The following SLIT1 variants were observed in gnomAD, a reference collection of about 807,000 sequenced individuals.
SLIT1 encodes slit homolog 1 protein.
A neutral mutation model predicts 186.1 loss-of-function variants in SLIT1; 66 were observed. That is an observed-to-expected ratio of 0.35 (90% CI 0.29 to 0.44). The LOEUF (loss-of-function observed/expected upper bound fraction) is 0.44. Ranked by LOEUF, SLIT1 falls within the 20% of genes least tolerant of loss-of-function variation. SLIT1 has a pLI of 1.00. For missense variants in SLIT1, 1,638 were observed against 2,037.4 expected (o/e 0.80, Z 3.77); for synonymous variants, 761 against 833.8 (o/e 0.91, Z 1.50).
chr10:97,178,662 G>A (rs961016933), intron 1 of SLIT1, among the ~76,000 whole-genome samples: 1 of 152,122 alleles, frequency 6.6e-6, no homozygotes, highest in Non-Finnish European at 1.5e-5. Context: ...TGATAGCCTT[G>A]TGGTTCTTAG....
chr10:97,118,548 G>T (rs962394225), intron 4 of SLIT1, among the ~76,000 whole-genome samples: 1 of 152,158 alleles, frequency 6.6e-6, no homozygotes, highest in Non-Finnish European at 1.5e-5. Flanking sequence ...GCCGTCGCAG[G>T]TTCTGACCTT....
chr10:97,172,952 AGAG>A (rs1850209811), intron 1 of SLIT1, among the ~76,000 whole-genome samples: 1 of 151,550 alleles, frequency 6.6e-6, no homozygotes, highest in East Asian at 1.9e-4. Flanking sequence ...AGAGAGAGAG[AGAG>A]AAGTTTAGAA....
At chr10:97,019,143 G>A (rs199742343) in intron 26 of SLIT1, 36 bp from the exon 27 acceptor site, 21 of 1,337,586 alleles carry the variant, frequency 1.6e-5, no homozygotes, top group Non-Finnish European at 1.4e-5. Context: ...CAGGGGGAGG[G>A]GTGGGCAGCA....
At chr10:97,072,973 C>T (rs1159128321) in intron 4 of SLIT1, among the ~76,000 whole-genome samples, 1 of 152,214 alleles carries the variant, frequency 6.6e-6, no homozygotes, top group Non-Finnish European at 1.5e-5. Flanking sequence ...GGGCTGTTGT[C>T]CCTGCCCGAA....
chr10:97,154,665 G>A (rs777079605), intron 4 of SLIT1: 12 of 152,188 alleles, frequency 7.9e-5, no homozygotes, highest in African/African-American at 1.9e-4. Flanking sequence ...GCCCCCTCCC[G>A]AAAGCAGCTG....
intron 4 of SLIT1, among the ~76,000 whole-genome samples, chr10:97,157,168 G>A (rs887890501): frequency 6.6e-6 from 1 of 152,174 alleles, no homozygotes; most frequent in African/African-American, 2.4e-5. Context: ...GGGACCATAT[G>A]CTAAGGAGCT....
At chr10:97,057,370 T>A (rs1431389353) in intron 11 of SLIT1, 89 bp from the exon 12 acceptor site, 3 of 995,254 alleles carry the variant, frequency 3.0e-6, no homozygotes, top group Non-Finnish European at 3.2e-6. Flanking sequence ...TCAACAGCGC[T>A]GCCCCTAAGC....
intron 4 of SLIT1, among the ~76,000 whole-genome samples, chr10:97,081,455 ATG>A (rs1284392763): frequency 2.0e-5 from 3 of 152,128 alleles, no homozygotes; most frequent in African/African-American, 7.2e-5. Flanking sequence ...CTCAGGGGAA[ATG>A]GGGTCCACTT....
chr10:97,092,185 C>T (rs953939529), intron 4 of SLIT1, among the ~76,000 whole-genome samples: 2 of 152,222 alleles, frequency 1.3e-5, no homozygotes, highest in South Asian at 4.1e-4. Context: ...TCTGAGGCCT[C>T]AAGAGTGGGC....
At chr10:97,164,095 C>A (rs1325481849) in intron 2 of SLIT1, among the ~76,000 whole-genome samples, 1 of 152,226 alleles carries the variant, frequency 6.6e-6, no homozygotes, top group Non-Finnish European at 1.5e-5. Context: ...ATCCCCTCAC[C>A]GCCAACGTGC....
At chr10:97,097,640 G>A (rs1297912209) in intron 4 of SLIT1, among the ~76,000 whole-genome samples, 1 of 152,180 alleles carries the variant, frequency 6.6e-6, no homozygotes, top group Admixed American at 6.5e-5. Flanking sequence ...TTTGGTAGTG[G>A]GTGTTTTTTA....
chr10:97,183,548 T>G (rs1478360690), intron 1 of SLIT1, among the ~76,000 whole-genome samples: 1 of 152,104 alleles, frequency 6.6e-6, no homozygotes, highest in Non-Finnish European at 1.5e-5. Flanking sequence ...AGCTAATAGG[T>G]GACAGAGCTG....
In SLIT1 at chr10:97,043,578, C is replaced by T. The variant is rs1042124425; in HGVS notation, c.1854-65G>A. The T allele has an allele frequency of 3.1e-5, 46 of 1,464,008 alleles. No homozygotes were observed. Among genetic ancestry groups the T allele is most frequent in the African/African-American group, 5.5e-5 (4 of 72,424 alleles). The allele number at this position is 1,464,008 out of a possible 1,614,324, so 90.7% of individuals were successfully genotyped here. ...CCCTGCCAGCCATCCACCTGGGCCA[C>T]GCAGCTTCCGCCATCGTGGCTCGTT... On this transcript the variant is annotated intron_variant, in intron 18 of 36. Transcript: ENST00000266058. This position sits in a 1 kb window ranked among gnomAD's most constrained non-coding sequence, Gnocchi z 7.0.
intron 4 of SLIT1, among the ~76,000 whole-genome samples, chr10:97,105,888 C>A (rs933787949): frequency 2.6e-5 from 4 of 152,198 alleles, no homozygotes; most frequent in Non-Finnish European, 5.9e-5. Flanking sequence ...GGTCCGGAGG[C>A]CTCCGCCAAG....
At position 97,002,168 on chromosome 10, in the gene SLIT1, C is replaced by G. The variant is rs1022391987; in HGVS notation, c.4356G>C (p.Leu1452=). The G allele has an allele frequency of 6.8e-7, 1 of 1,476,970 alleles. No individual in the cohort carries two copies. Among genetic ancestry groups the G allele is most frequent in the African/African-American group, 1.4e-5 (1 of 70,774 alleles). The allele number at this position is 1,476,970 out of a possible 1,614,324, so 91.5% of individuals were successfully genotyped here. Reference sequence around the variant, plus strand: ...AGGGGGGCCCCTGACCTTGCTCACACAGCTCGCCCGAAAAGCCGGGGTCAC... The same window carrying G: ...AGGGGGGCCCCTGACCTTGCTCACAGAGCTCGCCCGAAAAGCCGGGGTCAC... The part of the protein sequence containing the change: ...CVCDPGFSGE[L]CEQESECRGD... The change falls in exon 36 of 37, where the codon CTG becomes CTC. Residue 1452 remains leucine, a synonymous_variant. Coordinates refer to ENST00000266058, the MANE Select transcript of SLIT1 (RefSeq NM_003061.3).
chr10:97,063,640 C>T (rs764808038), intron 7 of SLIT1, 22 bp from the exon 8 acceptor site: 13 of 1,572,202 alleles, frequency 8.3e-6, no homozygotes, highest in Admixed American at 1.8e-5. Context: ...CAGGATGGCT[C>T]ACAACCCATC....
At chr10:97,054,947 G>A (rs1415642878) in intron 13 of SLIT1, among the ~76,000 whole-genome samples, 2 of 152,232 alleles carry the variant, frequency 1.3e-5, no homozygotes, top group Non-Finnish European at 2.9e-5. Context: ...TCCGGGCGTG[G>A]TGGCTAACAT....
Position 97,047,673 on chromosome 10 carries a change from G to A in SLIT1, c.1634+17C>T. ...AGTTAGGGACAGGGGAGGGCTGGGG[G>A]GGCCAGGGACCCTCACAGTTCTGCC... On this transcript the variant is annotated intron_variant, in intron 16 of 36. Coordinates refer to ENST00000266058, the MANE Select transcript of SLIT1 (RefSeq NM_003061.3). 1.2e-6 allele frequency: 2 copies of A among 1,611,728 alleles called. No homozygotes were observed. Among genetic ancestry groups the A allele is most frequent in the South Asian group, 2.2e-5 (2 of 91,048 alleles).
At chr10:97,034,231 A>G (rs145330572) in intron 23 of SLIT1, among the ~76,000 whole-genome samples, 54 of 152,232 alleles carry the variant, frequency 3.5e-4, no homozygotes, top group African/African-American at 1.2e-3. Context: ...GTGAAACTGT[A>G]TATTTATTTT....
Sources: gnomAD v4.1 joint callset for allele counts (sites outside exome capture counted in the v4.1 genomes callset) on GRCh38, gnomAD v4.1.1 for gene constraint, Gnocchi (gnomAD v3.1) non-coding constraint, MANE v1.5 for transcripts, NCBI Gene and HGNC (gene_info 2026-07-23, HGNC 2026-07-21) for gene names.